Variants in DGAT2 observed in about 807,000 individuals in gnomAD.
DGAT2 encodes the protein acyl-CoA retinol O-fatty-acyltransferase.
DGAT2 carries 33 observed loss-of-function variants against 48.4 expected under a neutral mutation model. The observed-to-expected ratio is 0.68, with a 90% CI of 0.52 to 0.91. The LOEUF is 0.91. Among genes scored for constraint, DGAT2 ranks in the 40% least tolerant of loss-of-function variants. The pLI is 0.00. For missense variants in DGAT2, 446 were observed against 493.7 expected, an observed-to-expected ratio of 0.90 and a Z score of 0.92; for synonymous variants, 191 against 194.1, an observed-to-expected ratio of 0.98 and a Z score of 0.13.
chr11:75,772,145 G>A, intron 1 of DGAT2, among the ~76,000 whole-genome samples: 1 of 152,206 alleles, frequency 6.6e-6, no homozygotes, highest in East Asian at 1.9e-4. Flanking sequence ...TGCTGAATGA[G>A]TGAAGGTTGT....
At chr11:75,796,558 G>C in intron 5 of DGAT2, 26 bp downstream of exon 5, 1 of 1,604,688 alleles carries the variant, frequency 6.2e-7, no homozygotes, top group Non-Finnish European at 8.5e-7. Flanking sequence ...CTGTGCTCCT[G>C]CTGGGCACTG....
At chr11:75,795,955 G>A (rs1945046514) in intron 4 of DGAT2, 1 of 213,850 alleles carries the variant, frequency 4.7e-6, no homozygotes, top group Admixed American at 5.2e-5. Context: ...CAGTCTAAGA[G>A]TGACAAGGGT....
At chr11:75,769,495 C>T (rs1013583938) in intron 1 of DGAT2, among the ~76,000 whole-genome samples, 1 of 152,042 alleles carries the variant, frequency 6.6e-6, no homozygotes, top group African/African-American at 2.4e-5. Flanking sequence ...GGGGAACATG[C>T]CCGACTGGAA....
intron 7 of DGAT2, among the ~76,000 whole-genome samples, chr11:75,799,834 T>G (rs1275125708): frequency 6.6e-6 from 1 of 152,056 alleles, no homozygotes. Context: ...CCCAGGCTGG[T>G]CTTGAACTCA....
intron 4 of DGAT2, chr11:75,792,553 C>T (rs1016536339): frequency 2.0e-5 from 3 of 152,220 alleles, no homozygotes; most frequent in Non-Finnish European, 2.9e-5. Context: ...CCGCTGTACC[C>T]ACCCGCCCAC....
At chr11:75,784,399 G>C (rs1283017785) in intron 1 of DGAT2, 1 of 490,210 alleles carries the variant, frequency 2.0e-6, no homozygotes. Flanking sequence ...CATTCCCATT[G>C]TGTATCTATA....
chr11:75,790,628 C>T (rs1245478479), intron 3 of DGAT2, 33 bp from the exon 4 acceptor site: 2 of 1,608,128 alleles, frequency 1.2e-6, no homozygotes, highest in Admixed American at 3.3e-5. Flanking sequence ...TGTACCCCCA[C>T]CCCCACCAAC....
intron 4 of DGAT2, chr11:75,792,386 A>G (rs1444462869): frequency 2.0e-5 from 3 of 152,268 alleles, no homozygotes; most frequent in Non-Finnish European, 4.4e-5. Context: ...CCCGGGGCTT[A>G]GGCTGAGCCT....
chr11:75,777,730 G>A (rs1944816078), intron 1 of DGAT2, among the ~76,000 whole-genome samples: 1 of 152,138 alleles, frequency 6.6e-6, no homozygotes, highest in South Asian at 2.1e-4. Context: ...GTGGGTGGAG[G>A]ACGCGGTGTG....
chr11:75,791,123 C>T (rs1008818913), intron 4 of DGAT2, among the ~76,000 whole-genome samples: 6 of 152,252 alleles, frequency 3.9e-5, no homozygotes, highest in Non-Finnish European at 7.3e-5. Flanking sequence ...GCTCACTCCA[C>T]ACCCCAGCTC....
At chr11:75,782,802 G>C (rs1170362831) in intron 1 of DGAT2, among the ~76,000 whole-genome samples, 1 of 152,208 alleles carries the variant, frequency 6.6e-6, no homozygotes, top group East Asian at 1.9e-4. Flanking sequence ...CTGGGGAAAG[G>C]GGAGGTCCTC....
At chr11:75,772,630 A>G (rs1165169809) in intron 1 of DGAT2, among the ~76,000 whole-genome samples, 1 of 151,986 alleles carries the variant, frequency 6.6e-6, no homozygotes. Flanking sequence ...TATAGCCTTT[A>G]TCACTACCTA....
chr11:75,787,912 G>T (rs1024911951), intron 2 of DGAT2, among the ~76,000 whole-genome samples: 2 of 152,132 alleles, frequency 1.3e-5, no homozygotes, highest in African/African-American at 4.8e-5. Context: ...GCTGAGAAAG[G>T]CCAGGCTAGA....
chr11:75,801,319 C>T lies in DGAT2; in HGVS notation c.*811C>T, dbSNP rs1347355633. 6.6e-6 allele frequency: 1 copy of T among 152,612 alleles called. No individual in the cohort carries two copies. The highest frequency in any genetic ancestry group is 1.9e-4 in the East Asian group (1 of 5,194). 9.5% of individuals were successfully genotyped at this position (152,612 alleles called of 1,614,324 possible). A position where few individuals can be genotyped will look rare whatever the true frequency, so the allele number is the denominator to read the frequency against. ...TAGATTCTGGATGTGAGGAAGAGATCCCTCTTCAGAAGGGGCCTGGCCTTC... is the reference window on the plus strand; with the variant it reads ...TAGATTCTGGATGTGAGGAAGAGATTCCTCTTCAGAAGGGGCCTGGCCTTC... On this transcript the variant is annotated 3_prime_UTR_variant, in exon 8 of 8. Coordinates refer to ENST00000228027, the MANE Select transcript of DGAT2 (RefSeq NM_032564.5).
At chr11:75,778,357 T>G (rs1211361134) in intron 1 of DGAT2, among the ~76,000 whole-genome samples, 3 of 152,140 alleles carry the variant, frequency 2.0e-5, no homozygotes, top group East Asian at 3.9e-4. Flanking sequence ...CCTTGGAGCC[T>G]CCTCTGCGCT....
chr11:75,788,527 C>T (rs1156794057), intron 2 of DGAT2, among the ~76,000 whole-genome samples: 1 of 152,120 alleles, frequency 6.6e-6, no homozygotes, highest in Non-Finnish European at 1.5e-5. Flanking sequence ...GAGGCTGGCT[C>T]AGGAGTCTAG....
At position 75,800,435 on chromosome 11, in the gene DGAT2, C is replaced by G; in HGVS notation, c.1094C>G (p.Ala365Gly). 1 of 1,614,158 alleles carries G rather than the reference C, an allele frequency of 6.2e-7. No homozygotes were observed. The highest frequency in any genetic ancestry group is 1.7e-5 in the Admixed American group (1 of 60,026). The change falls in exon 8 of 8, where the codon GCC becomes GGC. Residue 365 changes from alanine (A) to glycine (G), a missense_variant. Physicochemically the swap from Ala to Gly is moderately conservative, Grantham distance 60 (BLOSUM62 0). Coordinates refer to ENST00000228027, the MANE Select transcript of DGAT2 (RefSeq NM_032564.5). The part of the protein sequence containing the change: ...IDLYHTMYME[A>G]LVKLFDKHKT... ...CTGTACCACACCATGTACATGGAGG[C>G]CCTGGTGAAGCTCTTCGACAAGCAC...
In DGAT2 at chr11:75,798,421, C is replaced by A. The variant is rs1335813351; in HGVS notation, c.1004C>A (p.Thr335Asn). Reference sequence around the variant, plus strand: ...CTGGTGCCCTACTCCAAGCCCATCACCACTGTTGGTAAGCCCCTAGCCTGC... The same window carrying A: ...CTGGTGCCCTACTCCAAGCCCATCAACACTGTTGGTAAGCCCCTAGCCTGC... Reference protein sequence around the residue: ...WGLVPYSKPITTVVGEPITIP... With the variant: ...WGLVPYSKPINTVVGEPITIP... The change falls in exon 7 of 8, where the codon ACC becomes AAC. Residue 335 changes from threonine (T) to asparagine (N), a missense_variant. Thr to Asn is a moderately conservative substitution (Grantham distance 65). Transcript: ENST00000228027. 1.2e-6 allele frequency: 2 copies of A among 1,613,068 alleles called. No individual in the cohort carries two copies. The highest frequency in any genetic ancestry group is 1.7e-6 in the Non-Finnish European group (2 of 1,180,020).
chr11:75,770,868 A>G (rs1944750229), intron 1 of DGAT2, among the ~76,000 whole-genome samples: 1 of 152,166 alleles, frequency 6.6e-6, no homozygotes, highest in African/African-American at 2.4e-5. Context: ...ATGAAATGCA[A>G]ACCAGTCAGT....
Sources: gnomAD v4.1 joint callset for allele counts (sites outside exome capture counted in the v4.1 genomes callset) on GRCh38, gnomAD v4.1.1 for gene constraint, MANE v1.5 for transcripts, NCBI Gene and HGNC (gene_info 2026-07-23, HGNC 2026-07-21) for gene names.